COMMD10: variants seen among roughly 807,000 people sequenced by gnomAD.
The protein encoded by COMMD10 is COMM domain-containing protein 10.
In COMMD10, 33 loss-of-function variants were observed where a neutral mutation model predicts 28.9. The observed-to-expected ratio is 1.14, with a 90% CI of 0.87 to 1.53. COMMD10 has a LOEUF of 1.53. Among genes scored for constraint, COMMD10 ranks in the 40% most tolerant of loss-of-function variants. COMMD10 has a pLI of 0.00. For missense variants in COMMD10, 310 were observed against 233.4 expected, an observed-to-expected ratio of 1.33 and a Z score of -2.14; for synonymous variants, 110 against 81.7, an observed-to-expected ratio of 1.35 and a Z score of -1.87.
At chr5:116,289,126 C>T (rs1751297516) in intron 5 of COMMD10, among the ~76,000 whole-genome samples, 1 of 151,660 alleles carries the variant, frequency 6.6e-6, no homozygotes, top group Admixed American at 6.6e-5. Context: ...AGGTGATCCA[C>T]CCACCTCAGC....
At chr5:116,241,887 G>A (rs1050522078) in intron 5 of COMMD10, among the ~76,000 whole-genome samples, 1 of 152,120 alleles carries the variant, frequency 6.6e-6, no homozygotes, top group Non-Finnish European at 1.5e-5. Flanking sequence ...AAAGTGCTGG[G>A]ATTACAGGCG....
intron 5 of COMMD10, among the ~76,000 whole-genome samples, chr5:116,207,590 A>G (rs1399268912): frequency 1.3e-5 from 2 of 152,038 alleles, no homozygotes; most frequent in Non-Finnish European, 2.9e-5. Context: ...CAGTGGCATG[A>G]TCTGGGCTCA....
At chr5:116,112,849 A>G (rs1268071744) in intron 4 of COMMD10, among the ~76,000 whole-genome samples, 1 of 151,702 alleles carries the variant, frequency 6.6e-6, no homozygotes, top group East Asian at 1.9e-4. Flanking sequence ...GTCTAAATTT[A>G]TGGTTTGTTG....
chr5:116,088,173 G>T (rs17138861), intron 2 of COMMD10, among the ~76,000 whole-genome samples: 1 of 151,936 alleles, frequency 6.6e-6, no homozygotes, highest in African/African-American at 2.4e-5. Context: ...TATTTATGGA[G>T]CACCCACTAA....
chr5:116,250,411 A>G (rs992195556), intron 5 of COMMD10, among the ~76,000 whole-genome samples: 8 of 151,454 alleles, frequency 5.3e-5, no homozygotes, highest in Admixed American at 1.3e-4. Flanking sequence ...TAGCTGTTCT[A>G]TGGGTTTACA....
chr5:116,141,728 A>T (rs2112782317), intron 5 of COMMD10, among the ~76,000 whole-genome samples: 1 of 151,958 alleles, frequency 6.6e-6, no homozygotes, highest in East Asian at 1.9e-4. Context: ...GGGAGCACAT[A>T]AATAAGATTG....
chr5:116,150,363 C>G (rs1249702491), intron 5 of COMMD10, among the ~76,000 whole-genome samples: 2 of 151,988 alleles, frequency 1.3e-5, no homozygotes, highest in Admixed American at 1.3e-4. Context: ...TCCATATGAA[C>G]TTTAAAGTAG....
intron 5 of COMMD10, among the ~76,000 whole-genome samples, chr5:116,159,472 G>C (rs1193564508): frequency 6.6e-6 from 1 of 152,202 alleles, no homozygotes; most frequent in Non-Finnish European, 1.5e-5. Context: ...AATACTTGCA[G>C]TGTCCCTCCT....
At chr5:116,150,987 C>T (rs1752505753) in intron 5 of COMMD10, among the ~76,000 whole-genome samples, 2 of 151,700 alleles carry the variant, frequency 1.3e-5, no homozygotes, top group Admixed American at 1.3e-4. Context: ...ATGATATTGG[C>T]TGTGGGTTTG....
At chr5:116,087,239 T>C (rs946463975) in intron 1 of COMMD10, among the ~76,000 whole-genome samples, 10 of 152,212 alleles carry the variant, frequency 6.6e-5, no homozygotes, top group Non-Finnish European at 1.5e-4. Flanking sequence ...GTACAAGGTT[T>C]CCCTAGTAGT....
At chr5:116,105,193 C>CTT (rs1750798576) in intron 4 of COMMD10, among the ~76,000 whole-genome samples, 1 of 152,098 alleles carries the variant, frequency 6.6e-6, no homozygotes, top group African/African-American at 2.4e-5. Context: ...TATCAAAGGT[C>CTT]TTTTCTGCAT....
At chr5:116,152,076 A>C (rs6879172) in intron 5 of COMMD10, among the ~76,000 whole-genome samples, 124,783 of 152,002 alleles carry the variant, frequency 0.82, 51,378 homozygotes, top group African/African-American at 0.84. Context: ...TCATTGGTTC[A>C]AAAGAACATC....
At chr5:116,104,795 A>G (rs1750785208) in intron 4 of COMMD10, among the ~76,000 whole-genome samples, 1 of 151,780 alleles carries the variant, frequency 6.6e-6, no homozygotes, top group Non-Finnish European at 1.5e-5. Context: ...AATTTTTTGT[A>G]TTTTTAGTAG....
chr5:116,226,431 T>A (rs79623508), intron 5 of COMMD10, among the ~76,000 whole-genome samples: 1 of 151,808 alleles, frequency 6.6e-6, no homozygotes, highest in Non-Finnish European at 1.5e-5. Flanking sequence ...TTTTTTTTTT[T>A]TGAGAACAGC....
At chr5:116,225,925 G>A (rs1749384024) in intron 5 of COMMD10, among the ~76,000 whole-genome samples, 2 of 151,516 alleles carry the variant, frequency 1.3e-5, no homozygotes, top group South Asian at 2.1e-4. Flanking sequence ...TTTGAGTCTC[G>A]TGCCTTCTGT....
At chr5:116,249,626 A>G (rs1750052924) in intron 5 of COMMD10, among the ~76,000 whole-genome samples, 1 of 151,952 alleles carries the variant, frequency 6.6e-6, no homozygotes, top group Admixed American at 6.6e-5. Flanking sequence ...TTGAATTCTG[A>G]AAGATAATGC....
chr5:116,156,155 C>A (rs1449818261), intron 5 of COMMD10, among the ~76,000 whole-genome samples: 1 of 152,052 alleles, frequency 6.6e-6, no homozygotes, highest in South Asian at 2.1e-4. Flanking sequence ...GTCCTACTAT[C>A]CAGTTCCAAA....
At chr5:116,119,240 C>A (rs1439145138) in intron 4 of COMMD10, among the ~76,000 whole-genome samples, 2 of 152,170 alleles carry the variant, frequency 1.3e-5, no homozygotes, top group African/African-American at 4.8e-5. Flanking sequence ...TTCCTTGTCA[C>A]CCTAACAGTG....
At chr5:116,280,562 A>G (rs910268901) in intron 5 of COMMD10, among the ~76,000 whole-genome samples, 1 of 151,810 alleles carries the variant, frequency 6.6e-6, no homozygotes, top group Admixed American at 6.6e-5. Context: ...GCCATGGTAC[A>G]TTCATCTTTG....
Sources: gnomAD v4.1 joint callset for allele counts (sites outside exome capture counted in the v4.1 genomes callset) on GRCh38, gnomAD v4.1.1 for gene constraint, MANE v1.5 for transcripts, NCBI Gene and HGNC (gene_info 2026-07-23, HGNC 2026-07-21) for gene names.